MYO1B: variants seen among roughly 807,000 people sequenced by gnomAD.
The protein encoded by MYO1B is unconventional myosin-Ib.
Under a neutral mutation model 159.7 loss-of-function variants are expected in MYO1B, and 72 were observed. That is an observed-to-expected ratio of 0.45 (90% CI 0.37 to 0.55). The LOEUF (loss-of-function observed/expected upper bound fraction) is 0.55, where lower values mean the gene tolerates loss of function less well. Among genes scored for constraint, MYO1B ranks in the 20% least tolerant of loss-of-function variants. MYO1B has a pLI of 0.00. For synonymous variants in MYO1B, 468 were observed against 473.8 expected, an observed-to-expected ratio of 0.99 and a Z score of 0.16; for missense variants, 1,062 against 1,364.8, an observed-to-expected ratio of 0.78 and a Z score of 3.50.
At chr2:191,381,868 C>T (rs1295676500) in intron 14 of MYO1B, among the ~76,000 whole-genome samples, 1 of 151,988 alleles carries the variant, frequency 6.6e-6, no homozygotes, top group Non-Finnish European at 1.5e-5. Flanking sequence ...GAACTGTATA[C>T]CAAAAAAGTC....
intron 1 of MYO1B, among the ~76,000 whole-genome samples, chr2:191,252,106 T>C (rs1299264179): frequency 6.6e-6 from 1 of 152,266 alleles, no homozygotes; most frequent in Non-Finnish European, 1.5e-5. Flanking sequence ...AGGAAAAGCT[T>C]AATTTTCATA....
chr2:191,268,316 G>A (rs968052240), intron 1 of MYO1B, among the ~76,000 whole-genome samples: 3 of 152,130 alleles, frequency 2.0e-5, no homozygotes, highest in Non-Finnish European at 4.4e-5. Flanking sequence ...GAGAAAGAGC[G>A]AACCCTGGTT....
intron 1 of MYO1B, among the ~76,000 whole-genome samples, chr2:191,275,929 T>A (rs1559133569): frequency 6.6e-6 from 1 of 152,236 alleles, no homozygotes; most frequent in Non-Finnish European, 1.5e-5. Context: ...TTGACAGTGA[T>A]CAGATTGGAA....
intron 5 of MYO1B, among the ~76,000 whole-genome samples, chr2:191,342,208 C>T (rs1259380055): frequency 4.6e-5 from 7 of 152,188 alleles, no homozygotes; most frequent in African/African-American, 1.7e-4. Flanking sequence ...TGTATGCTCA[C>T]TTGACCTTTT....
chr2:191,395,797 G>A (rs952067409), intron 20 of MYO1B, among the ~76,000 whole-genome samples: 4 of 152,188 alleles, frequency 2.6e-5, no homozygotes, highest in Non-Finnish European at 5.9e-5. Context: ...CCAGGGTACT[G>A]TTTATCCTTT....
At chr2:191,282,375 T>C (rs1418357775) in intron 2 of MYO1B, among the ~76,000 whole-genome samples, 1 of 152,236 alleles carries the variant, frequency 6.6e-6, no homozygotes, top group African/African-American at 2.4e-5. Context: ...TTTTGCAGGC[T>C]CATGGTGGTG....
At chr2:191,358,407 C>T (rs979088467) in intron 7 of MYO1B, among the ~76,000 whole-genome samples, 1 of 152,180 alleles carries the variant, frequency 6.6e-6, no homozygotes, top group Non-Finnish European at 1.5e-5. Flanking sequence ...AATCACTGAT[C>T]ATATCAGTGT....
chr2:191,279,628 C>T (rs974910419), intron 2 of MYO1B, among the ~76,000 whole-genome samples: 2 of 152,114 alleles, frequency 1.3e-5, no homozygotes, highest in Non-Finnish European at 2.9e-5. Context: ...GATAATACTC[C>T]TGCTTTGCCT....
At chr2:191,308,214 C>T (rs1267443270) in intron 3 of MYO1B, among the ~76,000 whole-genome samples, 1 of 152,166 alleles carries the variant, frequency 6.6e-6, no homozygotes, top group Non-Finnish European at 1.5e-5. Flanking sequence ...TCCTGTTACC[C>T]AGGAAATTCC....
intron 3 of MYO1B, among the ~76,000 whole-genome samples, chr2:191,311,448 A>G (rs1036655873): frequency 4.2e-4 from 64 of 152,314 alleles, no homozygotes; most frequent in African/African-American, 1.4e-3. Context: ...ATTTTCATGA[A>G]GGATGGGTCA....
intron 13 of MYO1B, among the ~76,000 whole-genome samples, chr2:191,378,850 TG>T (rs1477630256): frequency 6.6e-6 from 1 of 151,730 alleles, no homozygotes; most frequent in African/African-American, 2.4e-5. Context: ...GGATAAGGGG[TG>T]ATATTGTGGG....
rs34444520 is a variant in MYO1B at position 191,372,879 on chromosome 2, C to CTTTTTTTTTTTTT, written c.1185+2601_1185+2613dup. Among the ~76,000 whole-genome samples the CTTTTTTTTTTTTT allele has an allele frequency of 7.1e-5, 5 of 70,146 alleles. 1 individual carries two copies. The highest frequency in any genetic ancestry group is 6.9e-4 in the Admixed American group (3 of 4,342). The allele number at this position is 70,146 out of a possible 152,430, so 46.0% of individuals were successfully genotyped here. On this transcript the variant is annotated intron_variant, in intron 13 of 30. Transcript: ENST00000392318. ...TATGAAAATGCCTGCGTTATATTTC[C>CTTTTTTTTTTTTT]TTTTTTTTTTTTTTTTTTTTTTTTT...
At chr2:191,418,929 G>A (rs1056858386) in intron 30 of MYO1B, among the ~76,000 whole-genome samples, 2 of 152,230 alleles carry the variant, frequency 1.3e-5, no homozygotes, top group Admixed American at 6.5e-5. Context: ...TAACCTGCAA[G>A]ATGTGTAATG....
At chr2:191,393,807 T>G (rs1427827585) in intron 20 of MYO1B, among the ~76,000 whole-genome samples, 2 of 152,194 alleles carry the variant, frequency 1.3e-5, no homozygotes, top group African/African-American at 4.8e-5. Flanking sequence ...GAAATTTCTT[T>G]TTGGCATTTC....
chr2:191,276,063 CTG>C (rs1210397382), intron 1 of MYO1B, among the ~76,000 whole-genome samples: 1 of 152,164 alleles, frequency 6.6e-6, no homozygotes, highest in Non-Finnish European at 1.5e-5. Flanking sequence ...CAAAGGGAAA[CTG>C]TAGTATTTCT....
At chr2:191,296,293 C>A in intron 3 of MYO1B, 67 bp downstream of exon 3, 7 of 754,492 alleles carry the variant, frequency 9.3e-6, no homozygotes, top group South Asian at 4.0e-5. Flanking sequence ...CAGATGTGTG[C>A]AGCTGTCTCC....
At chr2:191,335,193 C>T (rs1038391103) in intron 4 of MYO1B, among the ~76,000 whole-genome samples, 6 of 152,162 alleles carry the variant, frequency 3.9e-5, no homozygotes, top group Non-Finnish European at 7.3e-5. Context: ...ACCCACTTAG[C>T]TACATGCTTG....
At chr2:191,320,843 A>AT (rs1690663557) in intron 3 of MYO1B, among the ~76,000 whole-genome samples, 1 of 146,980 alleles carries the variant, frequency 6.8e-6, no homozygotes, top group South Asian at 2.1e-4. Context: ...TCCTTTATGC[A>AT]TTAAAAAAAA....
chr2:191,336,680 G>A (rs1322849871), intron 4 of MYO1B, among the ~76,000 whole-genome samples: 5 of 152,120 alleles, frequency 3.3e-5, no homozygotes, highest in Admixed American at 2.6e-4. Context: ...CGGGAGCTGG[G>A]TTATTTTGCA....
Sources: gnomAD v4.1 joint callset for allele counts (sites outside exome capture counted in the v4.1 genomes callset) on GRCh38, gnomAD v4.1.1 for gene constraint, MANE v1.5 for transcripts, NCBI Gene and HGNC (gene_info 2026-07-23, HGNC 2026-07-21) for gene names.